Variants in DLGAP2 observed in about 807,000 individuals in gnomAD.
The protein encoded by DLGAP2 is disks large-associated protein 2.
In DLGAP2, 26 loss-of-function variants were observed where a neutral mutation model predicts 100.3. That is an observed-to-expected ratio of 0.26 (90% CI 0.19 to 0.36). The LOEUF (loss-of-function observed/expected upper bound fraction) is 0.36. Ranked by LOEUF, DLGAP2 falls within the 10% of genes least tolerant of loss-of-function variation. The pLI, the probability that DLGAP2 is intolerant of heterozygous loss-of-function variation, is 1.00. For synonymous variants in DLGAP2, 886 were observed against 630.1 expected, an observed-to-expected ratio of 1.41 and a Z score of -6.08; for missense variants, 1,858 against 1,453.2, an observed-to-expected ratio of 1.28 and a Z score of -4.53.
intron 3 of DLGAP2, among the ~76,000 whole-genome samples, chr8:1,425,457 A>C (rs1012286422): frequency 8.5e-5 from 13 of 152,270 alleles, no homozygotes; most frequent in African/African-American, 1.4e-4. Context: ...TACCTGTTTA[A>C]GAAAGAAAGA....
chr8:923,852 T>C (rs781142197), intron 2 of DLGAP2, among the ~76,000 whole-genome samples: 2 of 152,200 alleles, frequency 1.3e-5, no homozygotes, highest in Non-Finnish European at 2.9e-5. Flanking sequence ...GTCTAAAGTT[T>C]ATGAGATGCA....
chr8:1,451,840 G>A lies in DLGAP2; in HGVS notation c.107-49526G>A, dbSNP rs572675626. On this transcript the variant is annotated intron_variant, in intron 3 of 14. Transcript: ENST00000637795. ...TAGGTAGCTGGCCCACATTCGCTGC[G>A]ATCATCACTAATGTACCCAAACCAT... Among the ~76,000 whole-genome samples the A allele has an allele frequency of 5.9e-5, 9 of 152,252 alleles. No individual in the cohort carries two copies. The South Asian group carries it at 1.0e-3, about 18-fold the overall frequency.
chr8:1,139,925 C>T lies in DLGAP2; in HGVS notation c.74-118926C>T, dbSNP rs117110861. Among the ~76,000 whole-genome samples the T allele has an allele frequency of 6.1e-3, 927 of 152,236 alleles. 15 individuals carry two copies. Among genetic ancestry groups the T allele is most frequent in the East Asian group, 0.047 (241 of 5,168 alleles). On this transcript the variant is annotated intron_variant, in intron 2 of 14. Coordinates refer to ENST00000637795, the MANE Select transcript of DLGAP2 (RefSeq NM_001346810.2). Reference sequence around the variant, plus strand: ...GTGAGGGGATTTCCCTGAGGTCACACGGCTGGTATTTGGCAGAGCGAGGCT... The same window carrying T: ...GTGAGGGGATTTCCCTGAGGTCACATGGCTGGTATTTGGCAGAGCGAGGCT...
intron 3 of DLGAP2, among the ~76,000 whole-genome samples, chr8:1,371,202 C>G (rs1369291508): frequency 2.6e-5 from 4 of 152,254 alleles, no homozygotes; most frequent in Non-Finnish European, 4.4e-5. Flanking sequence ...TTAACAGTCT[C>G]AGCACCTGGT....
chr8:1,190,415 G>C (rs1056169112), intron 2 of DLGAP2, among the ~76,000 whole-genome samples: 1 of 151,850 alleles, frequency 6.6e-6, no homozygotes, highest in Non-Finnish European at 1.5e-5. Context: ...CTGCTGTTGG[G>C]GCATCTGCTG....
intron 3 of DLGAP2, among the ~76,000 whole-genome samples, chr8:1,376,125 G>T (rs200544791): frequency 1.1e-3 from 159 of 147,026 alleles, no homozygotes; most frequent in South Asian, 3.5e-3. Context: ...TCAGAACTGA[G>T]CCCCCACCTC....
intron 1 of DLGAP2, among the ~76,000 whole-genome samples, chr8:886,769 A>G (rs575582712): frequency 1.1e-4 from 16 of 152,340 alleles, no homozygotes; most frequent in African/African-American, 3.8e-4. Context: ...GCATTTGCTG[A>G]GGAGTGTTTT....
intron 3 of DLGAP2, among the ~76,000 whole-genome samples, chr8:1,337,911 G>A (rs1344824414): frequency 6.6e-6 from 1 of 152,228 alleles, no homozygotes. Context: ...AAGAAGGCCT[G>A]CAAATGTTCC....
chr8:829,668 A>G (rs1259382521), intron 1 of DLGAP2, among the ~76,000 whole-genome samples: 1 of 152,244 alleles, frequency 6.6e-6, no homozygotes, highest in Non-Finnish European at 1.5e-5. Flanking sequence ...AGAAAAATTA[A>G]CAAACAAAAT....
chr8:1,042,758 T>G (rs1802392106), intron 2 of DLGAP2, among the ~76,000 whole-genome samples: 1 of 114,354 alleles, frequency 8.7e-6, no homozygotes, highest in Non-Finnish European at 1.8e-5. Context: ...TGGATGTAGG[T>G]GGTGGATGTG....
In DLGAP2 at chr8:1,200,739, G is replaced by A. The variant is rs1797852800; in HGVS notation, c.74-58112G>A. ...ACACGTTGAAATCAGCCTGGATTCGGACTTACAGAGCTGTAATAACACGGG... is the reference window on the plus strand; with the variant it reads ...ACACGTTGAAATCAGCCTGGATTCGAACTTACAGAGCTGTAATAACACGGG... On this transcript the variant is annotated intron_variant, in intron 2 of 14. Transcript: ENST00000637795. Among the ~76,000 whole-genome samples, 3 of 151,574 alleles carry A rather than the reference G, an allele frequency of 2.0e-5. No individual in the cohort carries two copies. The South Asian group carries it at 6.2e-4, about 31-fold the overall frequency.
intron 8 of DLGAP2, among the ~76,000 whole-genome samples, chr8:1,662,839 A>ATACCTGTGTGAGTGTGGGGG (rs1798440802): frequency 1.6e-5 from 2 of 126,686 alleles, no homozygotes; most frequent in African/African-American, 6.2e-5. Flanking sequence ...GAGTGTGGGG[A>ATACCTGTGTGAGTGTGGGGG]ATGTGTGCCT....
chr8:1,110,714 C>CT (rs10573688), intron 2 of DLGAP2, among the ~76,000 whole-genome samples: 2,542 of 127,840 alleles, frequency 0.02, 86 homozygotes, highest in African/African-American at 0.064. Context: ...GATTTATAGC[C>CT]TTTTTTTTTT....
intron 2 of DLGAP2, among the ~76,000 whole-genome samples, chr8:1,040,802 C>A (rs1039771804): frequency 6.6e-6 from 1 of 152,112 alleles, no homozygotes; most frequent in Admixed American, 6.5e-5. Context: ...CCAGCAGGAG[C>A]GCAGAGTCGT....
chr8:981,948 C>T (rs1274442305), intron 2 of DLGAP2, among the ~76,000 whole-genome samples: 1 of 152,220 alleles, frequency 6.6e-6, no homozygotes, highest in African/African-American at 2.4e-5. Context: ...TTGTTTTCTG[C>T]TGTTCACAGG....
chr8:807,828 C>CG (rs1290294013), intron 1 of DLGAP2, among the ~76,000 whole-genome samples: 1 of 152,078 alleles, frequency 6.6e-6, no homozygotes, highest in Non-Finnish European at 1.5e-5. Context: ...TTCAAAATGA[C>CG]GGGGGTGCTG....
Position 872,328 on chromosome 8 carries a change from C to CTTTTTTTTTTTT in DLGAP2, c.19-35580_19-35579insTTTTTTTTTTTT, listed in dbSNP as rs770291812. 2.3e-5 allele frequency among the ~76,000 whole-genome samples: 3 copies of CTTTTTTTTTTTT among 129,512 alleles called. 1 individual carries two copies. The allele number at this position is 129,512 out of a possible 152,430, so 85.0% of individuals were successfully genotyped here. Reference sequence around the variant, plus strand: ...AACAGAGGAAAGTTTTCTCTCACTTCTTTTCTTTTTTTTTTTTTTTTTGAG... The same window carrying CTTTTTTTTTTTT: ...AACAGAGGAAAGTTTTCTCTCACTTCTTTTTTTTTTTTTTTTCTTTTTTTTTTTTTTTTTGAG... On this transcript the variant is annotated intron_variant, in intron 1 of 14. Coordinates refer to ENST00000637795, the MANE Select transcript of DLGAP2 (RefSeq NM_001346810.2).
chr8:1,544,225 C>T (rs886590268), intron 4 of DLGAP2, among the ~76,000 whole-genome samples: 5 of 152,140 alleles, frequency 3.3e-5, no homozygotes, highest in Non-Finnish European at 7.4e-5. Context: ...CTTGGTTAGG[C>T]GGTCCCAGGG....
intron 3 of DLGAP2, among the ~76,000 whole-genome samples, chr8:1,413,851 G>A (rs1023162891): frequency 6.6e-6 from 1 of 152,236 alleles, no homozygotes; most frequent in African/African-American, 2.4e-5. Flanking sequence ...CTGAGAAGAG[G>A]CACGTGCAGA....
Sources: gnomAD v4.1 joint callset for allele counts (sites outside exome capture counted in the v4.1 genomes callset) on GRCh38, gnomAD v4.1.1 for gene constraint, MANE v1.5 for transcripts, NCBI Gene and HGNC (gene_info 2026-07-23, HGNC 2026-07-21) for gene names.